The following RPS6KA5 variants were observed in gnomAD, a reference collection of about 807,000 sequenced individuals.
The protein encoded by RPS6KA5 is ribosomal protein S6 kinase alpha-5.
RPS6KA5 carries 27 observed loss-of-function variants against 85.5 expected under a neutral mutation model. The ratio of observed to expected loss-of-function variants is 0.32; its 90% CI spans 0.23 to 0.44. The LOEUF is 0.44. Among genes scored for constraint, RPS6KA5 ranks in the 20% least tolerant of loss-of-function variants. The pLI is 1.00. For missense variants in RPS6KA5, 811 were observed against 980.9 expected, an observed-to-expected ratio of 0.83 and a Z score of 2.31; for synonymous variants, 334 against 348.2, an observed-to-expected ratio of 0.96 and a Z score of 0.46.
intron 12 of RPS6KA5, among the ~76,000 whole-genome samples, chr14:90,896,044 A>G (rs2034818929): frequency 6.6e-6 from 1 of 152,234 alleles, no homozygotes; most frequent in Non-Finnish European, 1.5e-5. Context: ...CAAAACTCAG[A>G]ATAAACTGCT....
intron 6 of RPS6KA5, among the ~76,000 whole-genome samples, chr14:90,922,455 A>T (rs1411752971): frequency 6.6e-6 from 1 of 152,010 alleles, no homozygotes; most frequent in African/African-American, 2.4e-5. Flanking sequence ...ATAAGTAAGT[A>T]ATTTTCTTTT....
intron 1 of RPS6KA5, among the ~76,000 whole-genome samples, chr14:91,029,117 C>T (rs978709344): frequency 1.3e-5 from 2 of 152,152 alleles, no homozygotes; most frequent in Non-Finnish European, 2.9e-5. Context: ...AATTCAAGGA[C>T]ATCCATAAAG....
intron 1 of RPS6KA5, among the ~76,000 whole-genome samples, chr14:91,026,171 T>C (rs900083501): frequency 3.3e-5 from 5 of 152,138 alleles, no homozygotes; most frequent in Admixed American, 6.5e-5. Flanking sequence ...GCAAAGGACA[T>C]GATTTTGTTA....
intron 5 of RPS6KA5, among the ~76,000 whole-genome samples, chr14:90,923,516 G>A (rs963046080): frequency 6.6e-6 from 1 of 152,198 alleles, no homozygotes; most frequent in East Asian, 1.9e-4. Flanking sequence ...TTGCATGCAT[G>A]TATATTTCAG....
At chr14:90,912,889 T>C (rs1019451701) in intron 7 of RPS6KA5, among the ~76,000 whole-genome samples, 48 of 147,738 alleles carry the variant, frequency 3.2e-4, no homozygotes, top group Non-Finnish European at 6.0e-4. Context: ...TCTTCTTCAC[T>C]GTCACATAAA....
chr14:90,883,546 C>A (rs1257143161), intron 14 of RPS6KA5, among the ~76,000 whole-genome samples: 1 of 152,020 alleles, frequency 6.6e-6, no homozygotes, highest in Admixed American at 6.5e-5. Flanking sequence ...CTTGATGTTC[C>A]CCACATACTC....
In RPS6KA5 at chr14:90,983,335, T is replaced by C. The variant is rs2039889101; in HGVS notation, c.176-4811A>G. Among the ~76,000 whole-genome samples the C allele has an allele frequency of 2.7e-5, 4 of 149,364 alleles. 1 individual carries two copies. In the South Asian group the frequency reaches 6.3e-4, roughly 24 times the overall value. ...ATGAGCAAAGTATGGGCACAGTGGC[T>C]CATGTTAAAATCTCAGAAATTTGAG... On this transcript the variant is annotated intron_variant, in intron 2 of 16. Transcript: ENST00000614987.
At chr14:91,050,424 GTT>G (rs1042439979) in intron 1 of RPS6KA5, among the ~76,000 whole-genome samples, 57 of 150,908 alleles carry the variant, frequency 3.8e-4, no homozygotes, top group Admixed American at 1.0e-3. Context: ...TTATTGGCTT[GTT>G]TTTTGTTTGT....
In RPS6KA5 at chr14:90,857,909, A is replaced by C. The variant is rs1180435030; in HGVS notation, c.*14165T>G. The C allele has an allele frequency of 1.3e-5, 2 of 152,192 alleles. No individual in the cohort carries two copies. The highest frequency in any genetic ancestry group is 2.9e-5 in the Non-Finnish European group (2 of 68,026). 9.4% of individuals were successfully genotyped at this position (152,192 alleles called of 1,614,324 possible). ...CCTGGCCTGAAAGAAGTGCTCAAAA[A>C]CTATTTAATGGACAAAGGAACAAAT... On this transcript the variant is annotated 3_prime_UTR_variant, in exon 17 of 17. Transcript: ENST00000614987.
chr14:90,905,466 T>C (rs1047366625), intron 8 of RPS6KA5, among the ~76,000 whole-genome samples: 2 of 152,242 alleles, frequency 1.3e-5, no homozygotes, highest in Non-Finnish European at 2.9e-5. Flanking sequence ...GTTTGACGAC[T>C]GAGGCTGGAA....
intron 7 of RPS6KA5, among the ~76,000 whole-genome samples, chr14:90,908,386 C>T (rs1033676766): frequency 2.0e-5 from 3 of 152,302 alleles, no homozygotes; most frequent in Admixed American, 6.5e-5. Context: ...TAGCCTAAAC[C>T]CCTCCCATTC....
rs572742041 is a variant in RPS6KA5, at chr14:90,914,090, T to C, written c.806+6116A>G. 3.3e-5 allele frequency among the ~76,000 whole-genome samples: 5 copies of C among 152,238 alleles called. No individual in the cohort carries two copies. In the South Asian group the frequency reaches 1.0e-3, roughly 32 times the overall value. On this transcript the variant is annotated intron_variant, in intron 7 of 16. Coordinates refer to ENST00000614987, the MANE Select transcript of RPS6KA5 (RefSeq NM_004755.4). Reference sequence around the variant, plus strand: ...TCCTTTCACGGCCCTTTCCAGTATGTATGAGGCTGACCTTTTAGACTCTGG... The same window carrying C: ...TCCTTTCACGGCCCTTTCCAGTATGCATGAGGCTGACCTTTTAGACTCTGG...
chr14:91,055,972 G>A (rs546843040), intron 1 of RPS6KA5, among the ~76,000 whole-genome samples: 117 of 152,292 alleles, frequency 7.7e-4, no homozygotes, highest in Admixed American at 3.3e-3. Flanking sequence ...CAAGTCTTCA[G>A]GTGACTGCAG....
chr14:90,982,285 CAAA>C (rs5810527), intron 2 of RPS6KA5, among the ~76,000 whole-genome samples: 21 of 144,646 alleles, frequency 1.5e-4, no homozygotes, highest in Admixed American at 2.8e-4. Context: ...ATTCCTTTGG[CAAA>C]AAAAAAAAAA....
chr14:90,971,103 T>C (rs1047940168), intron 3 of RPS6KA5, among the ~76,000 whole-genome samples: 5 of 152,056 alleles, frequency 3.3e-5, no homozygotes, highest in African/African-American at 1.2e-4. Context: ...AGATTACCGA[T>C]GCCAGGAGTT....
intron 3 of RPS6KA5, among the ~76,000 whole-genome samples, chr14:90,976,786 T>TTA (rs1179189766): frequency 6.6e-6 from 1 of 152,082 alleles, no homozygotes; most frequent in Non-Finnish European, 1.5e-5. Flanking sequence ...GAATAAAGAT[T>TTA]TAGAATTGTT....
chr14:90,998,160 T>A (rs1212219456), intron 2 of RPS6KA5, among the ~76,000 whole-genome samples: 4 of 151,936 alleles, frequency 2.6e-5, no homozygotes, highest in Non-Finnish European at 5.9e-5. Context: ...AAGAGGCAAA[T>A]ATATAGATAA....
At chr14:90,915,701 G>A (rs2036083374) in intron 7 of RPS6KA5, among the ~76,000 whole-genome samples, 2 of 152,032 alleles carry the variant, frequency 1.3e-5, no homozygotes, top group African/African-American at 4.8e-5. Context: ...AGCAACTGGG[G>A]AGGATGAGGC....
At chr14:91,021,378 C>T (rs1325579174) in intron 1 of RPS6KA5, among the ~76,000 whole-genome samples, 1 of 152,108 alleles carries the variant, frequency 6.6e-6, no homozygotes, top group Non-Finnish European at 1.5e-5. Context: ...CAATGACTCA[C>T]ACCTGAAATC....
Sources: allele counts gnomAD v4.1 joint callset (sites outside exome capture counted in the v4.1 genomes callset), GRCh38; gene constraint gnomAD v4.1.1; transcripts MANE v1.5; gene names NCBI Gene and HGNC (gene_info 2026-07-23, HGNC 2026-07-21).